The following SLC7A7 variants were observed in gnomAD, a reference collection of about 807,000 sequenced individuals.
The protein encoded by SLC7A7 is solute carrier family 7 member 7.
Under a neutral mutation model 47.9 loss-of-function variants are expected in SLC7A7, and 39 were observed. The ratio of observed to expected loss-of-function variants is 0.81; its 90% CI spans 0.63 to 1.06. The LOEUF is 1.06. Among genes scored for constraint, SLC7A7 ranks in the 50% least tolerant of loss-of-function variants. The probability of loss-of-function intolerance (pLI) is 0.00; values close to 1 mark genes in which losing one functional copy is unlikely to be tolerated. For missense variants in SLC7A7, 588 were observed against 632.0 expected (o/e 0.93, Z 0.75); for synonymous variants, 234 against 242.8 (o/e 0.96, Z 0.34).
rs752553654 is a variant in SLC7A7, at chr14:22,813,154, A to C, written c.245T>G (p.Phe82Cys). 8.1e-6 allele frequency: 13 copies of C among 1,614,146 alleles called. No homozygotes were observed. Among genetic ancestry groups the C allele is most frequent in the Non-Finnish European group, 1.1e-5 (13 of 1,180,022 alleles). ...ATAACAAAGGGCCCCAAAGACGGAG[A>C]AGAGGCCCCCGACAGCCCAGATGAC... ...SLVIWAVGGL[F>C]SVFGALCYAE... Residue 82 changes from phenylalanine (F) to cysteine (C), a missense_variant, in exon 2 of 10, where the codon TTC becomes TGC. By Grantham distance (205) the Phe-to-Cys change is radical. Coordinates refer to ENST00000674313, the MANE Select transcript of SLC7A7 (RefSeq NM_003982.4).
rs57356836 is a variant in SLC7A7 at position 22,811,844 on chromosome 14, CA to C, written c.499+1055del. 3.5e-3 allele frequency among the ~76,000 whole-genome samples: 437 copies of C among 125,128 alleles called. 1 individual carries two copies. The highest frequency in any genetic ancestry group is 0.013 in the African/African-American group (420 of 32,254). 82.1% of individuals were successfully genotyped at this position (125,128 alleles called of 152,430 possible). On this transcript the variant is annotated intron_variant, in intron 2 of 9. Coordinates refer to ENST00000674313, the MANE Select transcript of SLC7A7 (RefSeq NM_003982.4). ...CCTGGGCGACAGAGTGACTCTATCTCAAAAAAAAAAAAAAAAAAAAAGGAAG... is the reference window on the plus strand; with the variant it reads ...CCTGGGCGACAGAGTGACTCTATCTCAAAAAAAAAAAAAAAAAAAAGGAAG...
chr14:22,792,424 T>G (rs988091878), intron 2 of SLC7A7, among the ~76,000 whole-genome samples: 7 of 152,012 alleles, frequency 4.6e-5, no homozygotes, highest in Admixed American at 2.6e-4. Flanking sequence ...TTAGCTGGAC[T>G]TGGTGGTGCA....
At chr14:22,812,641 A>G (rs769260053) in intron 2 of SLC7A7, among the ~76,000 whole-genome samples, 6 of 25,186 alleles carry the variant, frequency 2.4e-4, no homozygotes, top group Non-Finnish European at 4.3e-4. Context: ...TGTCTCTTTA[A>G]AAAAAAAAAA....
intron 2 of SLC7A7, among the ~76,000 whole-genome samples, chr14:22,811,128 C>T (rs2138655812): frequency 6.6e-6 from 1 of 152,148 alleles, no homozygotes; most frequent in East Asian, 1.9e-4. Context: ...CAGAAGGACC[C>T]CACAGAAGAC....
Position 22,813,276 on chromosome 14 carries a change from G to A in SLC7A7, c.123C>T (p.Asn41=), listed in dbSNP as rs367673752. ...VKLKKEISLL[N]GVCLIVGNMI... is the part of the protein sequence containing the mutation. ...TGTTCCCCACAATCAGGCACACGCC[G>A]TTAAGCAGTGAGATCTCCTTCTTCA... Residue 41 remains asparagine, a synonymous_variant, in exon 2 of 10, where the codon AAC becomes AAT. Coordinates refer to ENST00000674313, the MANE Select transcript of SLC7A7 (RefSeq NM_003982.4). 144 of 1,614,030 alleles carry A rather than the reference G, an allele frequency of 8.9e-5. No individual in the cohort carries two copies. The highest frequency in any genetic ancestry group is 1.6e-4 in the Middle Eastern group (1 of 6,084).
intron 2 of SLC7A7, among the ~76,000 whole-genome samples, chr14:22,790,948 A>C (rs868635478): frequency 2.6e-5 from 4 of 151,234 alleles, no homozygotes; most frequent in Admixed American, 1.3e-4. Flanking sequence ...CAGTGAGCTA[A>C]GATCGCGCCA....
At chr14:22,783,154 G>A (rs61974190) in intron 2 of SLC7A7, among the ~76,000 whole-genome samples, 29,963 of 151,604 alleles carry the variant, frequency 0.2, 3,619 homozygotes, top group South Asian at 0.32. Context: ...GGCTGGTCTC[G>A]AACTCCTGAC....
Position 22,776,405 on chromosome 14 carries a change from G to A in SLC7A7, c.771-87C>T, listed in dbSNP as rs11568435. The A allele has an allele frequency of 1.3e-4, 194 of 1,535,520 alleles. No individual in the cohort carries two copies. In the Admixed American group the frequency reaches 2.4e-3, roughly 19 times the overall value. On this transcript the variant is annotated intron_variant, in intron 4 of 9. Transcript: ENST00000674313. ...ATCCTTAGACTCTCCCTGCCACACC[G>A]GTCTTTCCAGGGATGGAGACTGTTG...
chr14:22,802,506 T>C (rs1043176325), intron 2 of SLC7A7, among the ~76,000 whole-genome samples: 4 of 152,220 alleles, frequency 2.6e-5, no homozygotes, highest in African/African-American at 9.6e-5. Context: ...GGCACAGCTC[T>C]TCTGGCACAA....
At chr14:22,809,202 C>CA in intron 2 of SLC7A7, among the ~76,000 whole-genome samples, 1 of 152,328 alleles carries the variant, frequency 6.6e-6, no homozygotes, top group East Asian at 1.9e-4. Context: ...TCTTTTGAGA[C>CA]AGAGTCTCGC....
At chr14:22,808,685 A>C (rs1484393267) in intron 2 of SLC7A7, among the ~76,000 whole-genome samples, 1 of 152,230 alleles carries the variant, frequency 6.6e-6, no homozygotes, top group Non-Finnish European at 1.5e-5. Context: ...TGGCTGAAGG[A>C]ATAAACCCAT....
chr14:22,790,794 T>C (rs909585649), intron 2 of SLC7A7, among the ~76,000 whole-genome samples: 1 of 151,980 alleles, frequency 6.6e-6, no homozygotes, highest in African/African-American at 2.4e-5. Context: ...GTTCAAGAGA[T>C]TGAGACCATC....
chr14:22,776,209 C>T lies in SLC7A7; in HGVS notation c.880G>A (p.Asp294Asn). The T allele has an allele frequency of 6.2e-7, 1 of 1,614,230 alleles. No homozygotes were observed. Among genetic ancestry groups the T allele is most frequent in the Non-Finnish European group, 8.5e-7 (1 of 1,180,044 alleles). Residue 294 changes from aspartate (D) to asparagine (N), a missense_variant, in exon 5 of 10, where the codon GAT becomes AAT. By Grantham distance (23) the Asp-to-Asn change is conservative. Transcript: ENST00000674313. The stretch of plus-strand genomic sequence containing the variant: ...AAATCCTTTACCACAGCAACAGCAT[C>T]ACTGGCCAAGATGTCTCTCATGTCT... Reference protein sequence around the residue: ...VLDMRDILASDAVAVTFADQI... With the variant: ...VLDMRDILASNAVAVTFADQI...
rs1271709166 is a variant in SLC7A7 at position 22,813,162 on chromosome 14, C to T, written c.237G>A (p.Gly79=). The change falls in exon 2 of 10, where the codon GGG becomes GGA. Residue 79 remains glycine (G), a synonymous_variant. Coordinates refer to ENST00000674313, the MANE Select transcript of SLC7A7 (RefSeq NM_003982.4). ...GGGCCCCAAAGACGGAGAAGAGGCC[C>T]CCGACAGCCCAGATGACCAGAGAGA... ...FGLSLVIWAV[G]GLFSVFGALC... 2 of 1,614,192 alleles carry T rather than the reference C, an allele frequency of 1.2e-6. No homozygotes were observed. The highest frequency in any genetic ancestry group is 1.7e-6 in the Non-Finnish European group (2 of 1,180,022).
chr14:22,789,299 A>G (rs1390511548), intron 2 of SLC7A7, among the ~76,000 whole-genome samples: 1 of 152,114 alleles, frequency 6.6e-6, no homozygotes, highest in Non-Finnish European at 1.5e-5. Context: ...GAGCCATGTT[A>G]TATTGCATGG....
At chr14:22,809,028 TG>T (rs1386519370) in intron 2 of SLC7A7, among the ~76,000 whole-genome samples, 1 of 152,208 alleles carries the variant, frequency 6.6e-6, no homozygotes, top group Admixed American at 6.5e-5. Context: ...CAAACACAAG[TG>T]TGTGCACAAG....
At chr14:22,814,401 T>C (rs2096251976) in intron 1 of SLC7A7, among the ~76,000 whole-genome samples, 1 of 151,834 alleles carries the variant, frequency 6.6e-6, no homozygotes, top group Admixed American at 6.6e-5. Flanking sequence ...GGAGAATCAC[T>C]TGAGCCCGGG....
At chr14:22,789,392 G>C (rs1224521553) in intron 2 of SLC7A7, among the ~76,000 whole-genome samples, 1 of 152,154 alleles carries the variant, frequency 6.6e-6, no homozygotes. Flanking sequence ...GCCAAGGCGG[G>C]CAGATCACCT....
intron 2 of SLC7A7, among the ~76,000 whole-genome samples, chr14:22,784,431 A>C (rs2038776907): frequency 6.6e-6 from 1 of 152,148 alleles, no homozygotes; most frequent in African/African-American, 2.4e-5. Flanking sequence ...CATCCTGGCC[A>C]ACATGGTGAA....
Sources: allele counts gnomAD v4.1 joint callset (sites outside exome capture counted in the v4.1 genomes callset), GRCh38; gene constraint gnomAD v4.1.1; transcripts MANE v1.5; gene names NCBI Gene and HGNC (gene_info 2026-07-23, HGNC 2026-07-21).